Variants in SCAPER observed in about 807,000 individuals in gnomAD.
The protein encoded by SCAPER is S-phase cyclin A associated protein in the ER, also known as S phase cyclin A-associated protein in the endoplasmic reticulum.
Under a neutral mutation model 182.2 loss-of-function variants are expected in SCAPER, and 98 were observed. The observed-to-expected ratio is 0.54, with a 90% CI of 0.46 to 0.64. The LOEUF is 0.64. Ranked by LOEUF, SCAPER falls within the 30% of genes least tolerant of loss-of-function variation. SCAPER has a pLI of 0.00. For synonymous variants in SCAPER, 605 were observed against 564.6 expected (o/e 1.07, Z -1.01); for missense variants, 1,432 against 1,690.0 (o/e 0.85, Z 2.68).
intron 21 of SCAPER, among the ~76,000 whole-genome samples, chr15:76,644,579 A>G (rs2054383582): frequency 6.6e-6 from 1 of 151,878 alleles, no homozygotes; most frequent in South Asian, 2.1e-4. Flanking sequence ...ACTAATTTTT[A>G]TGACCATAAA....
chr15:76,667,782 G>A (rs761965475), intron 20 of SCAPER, among the ~76,000 whole-genome samples: 2 of 151,602 alleles, frequency 1.3e-5, no homozygotes, highest in African/African-American at 2.4e-5. Context: ...GTAGAATCCC[G>A]TCTCTACTAA....
chr15:76,478,587 T>C (rs2050846480), intron 24 of SCAPER, among the ~76,000 whole-genome samples: 1 of 152,204 alleles, frequency 6.6e-6, no homozygotes, highest in Non-Finnish European at 1.5e-5. Flanking sequence ...TATGGTTTTC[T>C]AATTCACTGC....
intron 22 of SCAPER, among the ~76,000 whole-genome samples, chr15:76,586,854 G>A (rs914852034): frequency 2.0e-5 from 3 of 151,688 alleles, no homozygotes; most frequent in East Asian, 1.9e-4. Flanking sequence ...TCTCTATCTC[G>A]TGGAATAGTG....
intron 24 of SCAPER, among the ~76,000 whole-genome samples, chr15:76,476,743 A>G (rs142915371): frequency 1.0e-3 from 155 of 151,900 alleles, no homozygotes; most frequent in African/African-American, 3.5e-3. Context: ...CAACACACCT[A>G]GCCGTCCAAG....
At chr15:76,584,837 C>T (rs139380925) in intron 22 of SCAPER, among the ~76,000 whole-genome samples, 4 of 152,102 alleles carry the variant, frequency 2.6e-5, no homozygotes, top group African/African-American at 9.7e-5. Context: ...CAGATGTGAG[C>T]CCACCATGTC....
intron 29 of SCAPER, among the ~76,000 whole-genome samples, chr15:76,372,808 C>T (rs1260668152): frequency 1.3e-5 from 2 of 152,016 alleles, no homozygotes; most frequent in African/African-American, 4.8e-5. Context: ...AGCCATACAG[C>T]CATTAAAAAT....
chr15:76,395,182 T>C (rs977348628), intron 27 of SCAPER, among the ~76,000 whole-genome samples: 3 of 152,230 alleles, frequency 2.0e-5, no homozygotes, highest in African/African-American at 7.2e-5. Flanking sequence ...GAGGATCTCA[T>C]TCTTTTTTAT....
intron 8 of SCAPER, among the ~76,000 whole-genome samples, chr15:76,782,707 A>C (rs1483045997): frequency 6.6e-6 from 1 of 152,202 alleles, no homozygotes; most frequent in African/African-American, 2.4e-5. Context: ...CAATCAAACT[A>C]GAACTCAGGA....
chr15:76,501,386 T>A (rs1210894209), intron 24 of SCAPER, among the ~76,000 whole-genome samples: 3 of 149,894 alleles, frequency 2.0e-5, no homozygotes, highest in Admixed American at 6.6e-5. Flanking sequence ...AAATATTCAT[T>A]CACACGAAGT....
chr15:76,766,633 C>T (rs1002987616), intron 11 of SCAPER, among the ~76,000 whole-genome samples: 6 of 152,106 alleles, frequency 3.9e-5, no homozygotes, highest in Non-Finnish European at 7.3e-5. Context: ...GCACCACAAC[C>T]GGCCCAGACT....
chr15:76,412,609 CA>C (rs1272272038), intron 26 of SCAPER, among the ~76,000 whole-genome samples: 1 of 152,042 alleles, frequency 6.6e-6, no homozygotes. Flanking sequence ...ACCTATTGAT[CA>C]ATCTTATACC....
At chr15:76,801,963 G>A (rs1472770966) in intron 6 of SCAPER, among the ~76,000 whole-genome samples, 2 of 151,512 alleles carry the variant, frequency 1.3e-5, no homozygotes, top group African/African-American at 2.4e-5. Context: ...ACAGTGCCAA[G>A]AGAGGAATGG....
At chr15:76,466,767 G>C (rs1040577096) in intron 25 of SCAPER, among the ~76,000 whole-genome samples, 8 of 149,544 alleles carry the variant, frequency 5.3e-5, no homozygotes, top group South Asian at 2.1e-4. Context: ...TGAAAACTTT[G>C]GGGGGGATAC....
intron 23 of SCAPER, among the ~76,000 whole-genome samples, chr15:76,569,300 AGAT>A (rs1305374786): frequency 6.6e-6 from 1 of 152,154 alleles, no homozygotes; most frequent in African/African-American, 2.4e-5. Flanking sequence ...GTGTCTTTTG[AGAT>A]GATATTTTTC....
At chr15:76,388,076 G>A (rs2043405429) in intron 27 of SCAPER, among the ~76,000 whole-genome samples, 1 of 152,218 alleles carries the variant, frequency 6.6e-6, no homozygotes, top group African/African-American at 2.4e-5. Flanking sequence ...AGCACTGGGT[G>A]CAGCGCTAAT....
rs565729137 is a variant in SCAPER at position 76,533,374 on chromosome 15, A to G, written c.2839-28400T>C. On this transcript the variant is annotated intron_variant, in intron 23 of 31. Transcript: ENST00000563290. ...TTTACTGTATCTTTTCTATGTTTAG[A>G]TATGTTTAAATACATGAATACTTAC... Among the ~76,000 whole-genome samples the G allele has an allele frequency of 2.0e-3, 298 of 152,276 alleles. 1 individual carries two copies. Among genetic ancestry groups the G allele is most frequent in the African/African-American group, 6.8e-3 (284 of 41,558 alleles).
chr15:76,672,775 C>T (rs2057115178), intron 20 of SCAPER, among the ~76,000 whole-genome samples: 1 of 151,962 alleles, frequency 6.6e-6, no homozygotes, highest in Non-Finnish European at 1.5e-5. Flanking sequence ...ATATTAAAAA[C>T]TTTAATCCAA....
At chr15:76,902,341 C>A (rs1056677945) in intron 1 of SCAPER, among the ~76,000 whole-genome samples, 2 of 152,206 alleles carry the variant, frequency 1.3e-5, no homozygotes, top group Non-Finnish European at 2.9e-5. Flanking sequence ...CTAGGGATCA[C>A]TAGGCCAAGG....
At chr15:76,478,039 TAGAA>T (rs1445681604) in intron 24 of SCAPER, among the ~76,000 whole-genome samples, 8 of 151,996 alleles carry the variant, frequency 5.3e-5, no homozygotes, top group African/African-American at 1.7e-4. Context: ...CTGTCAGACT[TAGAA>T]AGGCCATTCT....
Sources: gnomAD v4.1 joint callset for allele counts (sites outside exome capture counted in the v4.1 genomes callset) on GRCh38, gnomAD v4.1.1 for gene constraint, MANE v1.5 for transcripts, NCBI Gene and HGNC (gene_info 2026-07-23, HGNC 2026-07-21) for gene names.